The following MDN1 variants were observed in gnomAD, a reference collection of about 807,000 sequenced individuals.
MDN1 encodes midasin.
In MDN1, 266 loss-of-function variants were observed where a neutral mutation model predicts 669.2. The ratio of observed to expected loss-of-function variants is 0.40; its 90% CI spans 0.36 to 0.44. MDN1 has a LOEUF of 0.44. MDN1 is among the 20% of genes least tolerant of loss of function. The pLI, the probability that MDN1 is intolerant of heterozygous loss-of-function variation, is 1.00. For synonymous variants in MDN1, 2,385 were observed against 2,457.1 expected, an observed-to-expected ratio of 0.97 and a Z score of 0.87; for missense variants, 5,940 against 6,754.0, an observed-to-expected ratio of 0.88 and a Z score of 4.22.
At chr6:89,653,907 T>A (rs1809062549) in intron 93 of MDN1, among the ~76,000 whole-genome samples, 1 of 152,234 alleles carries the variant, frequency 6.6e-6, no homozygotes, top group African/African-American at 2.4e-5. Context: ...ACATATTTTT[T>A]AAAAACTGAT....
intron 88 of MDN1, among the ~76,000 whole-genome samples, chr6:89,659,578 C>CA (rs1809568281): frequency 1.3e-5 from 2 of 152,252 alleles, no homozygotes; most frequent in South Asian, 4.1e-4. Flanking sequence ...AAACCATACT[C>CA]ATACATACAG....
intron 2 of MDN1, 89 bp downstream of exon 2, chr6:89,803,239 A>T: frequency 9.1e-7 from 1 of 1,100,570 alleles, no homozygotes. Context: ...TTTCCGTTTT[A>T]CCTTCTCAGC....
chr6:89,741,495 C>T (rs974940224), intron 31 of MDN1, among the ~76,000 whole-genome samples: 1 of 151,542 alleles, frequency 6.6e-6, no homozygotes, highest in Admixed American at 6.6e-5. Context: ...CCAAAACTAA[C>T]CCCTCCTTCA....
At chr6:89,789,730 C>T in intron 7 of MDN1, 50 bp downstream of exon 7, 1 of 1,533,088 alleles carries the variant, frequency 6.5e-7, no homozygotes, top group South Asian at 1.3e-5. Context: ...AATGCTTTTC[C>T]AAGACAGGAA....
In MDN1 at chr6:89,751,241, T is replaced by C. The variant is rs768858199; in HGVS notation, c.3227+190A>G. 14 of 618,734 alleles carry C rather than the reference T, an allele frequency of 2.3e-5. No homozygotes were observed. The African/African-American group carries it at 2.4e-4, about 11-fold the overall frequency. The allele number at this position is 618,734 out of a possible 1,614,324, so 38.3% of individuals were successfully genotyped here. On this transcript the variant is annotated intron_variant, in intron 23 of 101. Coordinates refer to ENST00000369393, the MANE Select transcript of MDN1 (RefSeq NM_014611.3). ...AATCATCTGCATCCATAGTGCTCCC[T>C]CCAAAGTTGCACAACTAGAAACAAA...
At chr6:89,685,220 T>C (rs889663748) in intron 70 of MDN1, among the ~76,000 whole-genome samples, 1 of 152,146 alleles carries the variant, frequency 6.6e-6, no homozygotes, top group Non-Finnish European at 1.5e-5. Context: ...GATGTTTTTT[T>C]GCACTTTTGT....
intron 15 of MDN1, among the ~76,000 whole-genome samples, chr6:89,764,377 G>A (rs1817697959): frequency 6.6e-6 from 1 of 152,114 alleles, no homozygotes; most frequent in Non-Finnish European, 1.5e-5. Flanking sequence ...AGGCTAAACA[G>A]GTGGATTGCT....
In MDN1 at chr6:89,700,745, G is replaced by A. The variant is rs747967011; in HGVS notation, c.8539C>T (p.Arg2847Cys). The change falls in exon 56 of 102, where the codon CGT (arginine) becomes TGT (cysteine). Residue 2847 changes from arginine to cysteine, a missense_variant. Physicochemically the swap from Arg to Cys is radical, Grantham distance 180. Transcript: ENST00000369393. Reference protein sequence around the residue: ...GESGWQEDINRLQVVASQWTL... With the variant: ...GESGWQEDINCLQVVASQWTL... ...CACTGAGAAGCAACCACTTGGAGAC[G>A]GTTAATGTCTTCCTGCCATCCACTC... is the stretch of plus-strand genomic sequence containing the variant. 1.2e-5 allele frequency: 20 copies of A among 1,613,968 alleles called. No homozygotes were observed. The highest frequency in any genetic ancestry group is 6.6e-5 in the South Asian group (6 of 91,078).
chr6:89,708,044 A>G (rs1041620846), intron 51 of MDN1, among the ~76,000 whole-genome samples: 1 of 152,222 alleles, frequency 6.6e-6, no homozygotes, highest in East Asian at 1.9e-4. Context: ...GCTCACACCT[A>G]TAACCCCGGC....
rs767919934 is a variant in MDN1, at chr6:89,707,519, A to G, written c.7899-43T>C. 4 of 1,241,160 alleles carry G rather than the reference A, an allele frequency of 3.2e-6. No homozygotes were observed. The South Asian group carries it at 4.8e-5, about 15-fold the overall frequency. The allele number at this position is 1,241,160 out of a possible 1,614,324, so 76.9% of individuals were successfully genotyped here. ...AAACGTAACAAATAGCTATCGGTTA[A>G]TAACATTTTCAATCATATCCTCTAT... On this transcript the variant is annotated intron_variant, in intron 51 of 101. Transcript: ENST00000369393.
Position 89,692,800 on chromosome 6 carries a change from G to A in MDN1, c.10230C>T (p.Gly3410=). Residue 3410 remains glycine, a synonymous_variant, in exon 63 of 102, where the codon GGC becomes GGT. Coordinates refer to ENST00000369393, the MANE Select transcript of MDN1 (RefSeq NM_014611.3). ...LQASILQLQH[G]MRLVASELHT... ...GGAGCTCAGAGGCCACCAGCCTCAT[G>A]CCATGTTGTAACTGCAATATGGATG... The A allele has an allele frequency of 6.2e-7, 1 of 1,614,150 alleles. No individual in the cohort carries two copies. The highest frequency in any genetic ancestry group is 8.5e-7 in the Non-Finnish European group (1 of 1,180,024).
chr6:89,767,318 G>A (rs1378727554), intron 15 of MDN1, among the ~76,000 whole-genome samples: 2 of 152,130 alleles, frequency 1.3e-5, no homozygotes, highest in Non-Finnish European at 2.9e-5. Flanking sequence ...AAAGCAAGAA[G>A]CACAAAAGAA....
intron 7 of MDN1, among the ~76,000 whole-genome samples, 153 bp from the exon 8 acceptor site, chr6:89,788,110 C>A: frequency 6.6e-6 from 1 of 152,186 alleles, no homozygotes; most frequent in East Asian, 1.9e-4. Context: ...CAGGTGGGAA[C>A]GTCTGAATCA....
intron 22 of MDN1, among the ~76,000 whole-genome samples, chr6:89,751,795 T>C (rs1227404425): frequency 6.6e-6 from 1 of 152,118 alleles, no homozygotes; most frequent in Non-Finnish European, 1.5e-5. Context: ...GTAGGTGGGT[T>C]TGGAAAAAAG....
intron 84 of MDN1, among the ~76,000 whole-genome samples, chr6:89,667,237 G>T (rs1384411738): frequency 6.7e-6 from 1 of 149,732 alleles, no homozygotes; most frequent in Non-Finnish European, 1.5e-5. Context: ...GAGAAATACA[G>T]AAGGCCAAAA....
chr6:89,746,235 A>T (rs1164630285), intron 27 of MDN1, among the ~76,000 whole-genome samples: 2 of 152,166 alleles, frequency 1.3e-5, no homozygotes, highest in African/African-American at 4.8e-5. Flanking sequence ...AATATTCTAA[A>T]TCTTGGTCTA....
At chr6:89,782,603 A>AT (rs1818735404) in intron 9 of MDN1, among the ~76,000 whole-genome samples, 2 of 40,672 alleles carry the variant, frequency 4.9e-5, no homozygotes, top group Admixed American at 3.2e-4. Context: ...CTTTCCTCAA[A>AT]AAATAATAAT....
rs1454845652 is a variant in MDN1 at position 89,648,063 on chromosome 6, T to C, written c.16364A>G (p.Lys5455Arg). ...YSGSQILRLC[K>R]FQQKKTKIAQ... ...AATCTTGGTTTTCTTTTGTTGGAATTTGCAGAGACGTAGAATCTGGGACCC... is the reference window on the plus strand; with the variant it reads ...AATCTTGGTTTTCTTTTGTTGGAATCTGCAGAGACGTAGAATCTGGGACCC... Residue 5455 changes from lysine to arginine, a missense_variant, in exon 99 of 102, where the codon AAA becomes AGA. By Grantham distance (26) the Lys-to-Arg change is conservative. Coordinates refer to ENST00000369393, the MANE Select transcript of MDN1 (RefSeq NM_014611.3). 8 of 1,614,138 alleles carry C rather than the reference T, an allele frequency of 5.0e-6. No individual in the cohort carries two copies. The highest frequency in any genetic ancestry group is 5.9e-6 in the Non-Finnish European group (7 of 1,179,950).
chr6:89,778,089 G>A (rs1278743636), intron 11 of MDN1, among the ~76,000 whole-genome samples: 2 of 151,824 alleles, frequency 1.3e-5, no homozygotes, highest in Admixed American at 6.6e-5. Context: ...GAACCTGTTG[G>A]GCCGTTACAA....
Sources: gnomAD v4.1 joint callset for allele counts (sites outside exome capture counted in the v4.1 genomes callset) on GRCh38, gnomAD v4.1.1 for gene constraint, MANE v1.5 for transcripts, NCBI Gene and HGNC (gene_info 2026-07-23, HGNC 2026-07-21) for gene names.